Variants in SDK1 observed in about 807,000 individuals in gnomAD.
SDK1 encodes the protein protein sidekick-1.
SDK1 carries 157 observed loss-of-function variants against 245.5 expected under a neutral mutation model. That is an observed-to-expected ratio of 0.64 (90% CI 0.56 to 0.73). The LOEUF (loss-of-function observed/expected upper bound fraction) is 0.73, where lower values mean the gene tolerates loss of function less well. Among genes scored for constraint, SDK1 ranks in the 30% least tolerant of loss-of-function variants. SDK1 has a pLI of 0.00. For missense variants in SDK1, 3,583 were observed against 3,002.3 expected (o/e 1.19, Z -4.52); for synonymous variants, 1,647 against 1,278.5 (o/e 1.29, Z -6.15).
intron 35 of SDK1, among the ~76,000 whole-genome samples, chr7:4,186,716 C>T (rs941187870): frequency 1.4e-4 from 21 of 152,300 alleles, no homozygotes; most frequent in African/African-American, 4.8e-4. Context: ...CAGAAGCCCC[C>T]AGCCCACCTC....
intron 1 of SDK1, among the ~76,000 whole-genome samples, chr7:3,365,060 G>T (rs968271193): frequency 3.3e-5 from 5 of 152,184 alleles, no homozygotes; most frequent in African/African-American, 9.7e-5. Flanking sequence ...TTTGGTGTCA[G>T]TGTGTTCACT....
intron 5 of SDK1, among the ~76,000 whole-genome samples, chr7:3,830,207 C>T (rs1049535744): frequency 1.3e-5 from 2 of 152,092 alleles, no homozygotes; most frequent in African/African-American, 4.8e-5. Flanking sequence ...ATTCACCAAG[C>T]AGAACTGACC....
intron 22 of SDK1, among the ~76,000 whole-genome samples, chr7:4,095,096 C>T (rs997072601): frequency 6.6e-6 from 1 of 152,178 alleles, no homozygotes; most frequent in Non-Finnish European, 1.5e-5. Flanking sequence ...AGAGTTCCAT[C>T]CTCAGCTCCT....
At chr7:3,840,923 G>A (rs1001913848) in intron 5 of SDK1, among the ~76,000 whole-genome samples, 1 of 152,186 alleles carries the variant, frequency 6.6e-6, no homozygotes, top group Non-Finnish European at 1.5e-5. Context: ...GACCACCCTA[G>A]AGAGAATCCA....
chr7:4,186,385 G>A (rs1300370584), intron 35 of SDK1, among the ~76,000 whole-genome samples: 1 of 152,194 alleles, frequency 6.6e-6, no homozygotes, highest in Non-Finnish European at 1.5e-5. Flanking sequence ...GTGCACCTTT[G>A]TTATCCCCAG....
intron 20 of SDK1, among the ~76,000 whole-genome samples, chr7:4,075,618 G>A (rs1268054575): frequency 6.6e-6 from 1 of 151,404 alleles, no homozygotes; most frequent in Non-Finnish European, 1.5e-5. Flanking sequence ...CCTCCACGCG[G>A]GTTGATTGAT....
chr7:3,582,775 G>A (rs1780549902), intron 1 of SDK1, among the ~76,000 whole-genome samples: 1 of 148,710 alleles, frequency 6.7e-6, no homozygotes, highest in Non-Finnish European at 1.5e-5. Context: ...GCAAATAAAG[G>A]AAATAGAGTT....
chr7:3,844,152 G>C (rs929898144), intron 5 of SDK1, among the ~76,000 whole-genome samples: 2 of 152,030 alleles, frequency 1.3e-5, no homozygotes, highest in African/African-American at 4.8e-5. Context: ...TGTATTTTTA[G>C]TTGAGGTGGA....
At chr7:4,093,778 A>T (rs190781484) in intron 22 of SDK1, among the ~76,000 whole-genome samples, 360 of 152,282 alleles carry the variant, frequency 2.4e-3, no homozygotes, top group African/African-American at 8.3e-3. Flanking sequence ...GAGGGACCGG[A>T]TCCTGGGCTG....
At chr7:3,442,424 T>C (rs769808370) in intron 1 of SDK1, among the ~76,000 whole-genome samples, 4 of 152,204 alleles carry the variant, frequency 2.6e-5, no homozygotes, top group Non-Finnish European at 5.9e-5. Flanking sequence ...TCATTGCAAA[T>C]TAACCCTTTC....
intron 4 of SDK1, among the ~76,000 whole-genome samples, chr7:3,686,018 C>T (rs1364796047): frequency 6.6e-6 from 1 of 152,098 alleles, no homozygotes; most frequent in East Asian, 1.9e-4. Flanking sequence ...ACTTAAAGTG[C>T]AATGACATAA....
chr7:4,220,191 C>T lies in SDK1; in HGVS notation c.5622C>T (p.Thr1874=), dbSNP rs764637253. Residue 1874 remains threonine (T), a synonymous_variant, in exon 39 of 45, where the codon ACC becomes ACT. Transcript: ENST00000404826. Reference sequence around the variant, plus strand: ...TGCGGGACCTCACCAAGGGAGTGACCTATTTCTTCCGTGTCCAAGCGCGGA... The same window carrying T: ...TGCGGGACCTCACCAAGGGAGTGACTTATTTCTTCCGTGTCCAAGCGCGGA... ...LKVRDLTKGV[T]YFFRVQARTI... 2 of 1,613,954 alleles carry T rather than the reference C, an allele frequency of 1.2e-6. No homozygotes were observed. Among genetic ancestry groups the T allele is most frequent in the East Asian group, 4.5e-5 (2 of 44,864 alleles).
chr7:3,439,537 C>T (rs1309114575), intron 1 of SDK1, among the ~76,000 whole-genome samples: 1 of 152,302 alleles, frequency 6.6e-6, no homozygotes, highest in South Asian at 2.1e-4. Context: ...TTGCAACATA[C>T]TACTCATTCT....
chr7:4,007,994 G>A (rs569285607), intron 14 of SDK1, among the ~76,000 whole-genome samples: 5 of 152,192 alleles, frequency 3.3e-5, no homozygotes, highest in East Asian at 1.9e-4. Context: ...TTCTGCCACC[G>A]TCACCACCAT....
intron 31 of SDK1, among the ~76,000 whole-genome samples, chr7:4,160,817 C>T (rs182190346): frequency 1.2e-4 from 18 of 152,144 alleles, no homozygotes; most frequent in Admixed American, 2.6e-4. Context: ...TAAAACAGAA[C>T]GGGGAAGGTG....
At chr7:4,141,363 T>G (rs1047046924) in intron 28 of SDK1, among the ~76,000 whole-genome samples, 3 of 152,222 alleles carry the variant, frequency 2.0e-5, no homozygotes, top group Non-Finnish European at 4.4e-5. Context: ...GGAGTGCCTT[T>G]GAACAACATC....
intron 5 of SDK1, among the ~76,000 whole-genome samples, chr7:3,948,698 T>G (rs1296719704): frequency 2.0e-5 from 3 of 152,204 alleles, no homozygotes; most frequent in South Asian, 2.1e-4. Context: ...GAACTCAGCC[T>G]TGGGGCTCAT....
At chr7:4,140,474 G>A (rs73048337) in intron 28 of SDK1, among the ~76,000 whole-genome samples, 6,842 of 152,194 alleles carry the variant, frequency 0.045, 170 homozygotes, top group African/African-American at 0.065. Context: ...ACTCTGTGTC[G>A]GTCACCTTCA....
At chr7:3,572,652 C>G (rs958792209) in intron 1 of SDK1, among the ~76,000 whole-genome samples, 6 of 152,022 alleles carry the variant, frequency 3.9e-5, no homozygotes, top group African/African-American at 9.7e-5. Context: ...AGATAGGCAA[C>G]TATTCAGTCA....
Sources: gnomAD v4.1 joint callset for allele counts (sites outside exome capture counted in the v4.1 genomes callset) on GRCh38, gnomAD v4.1.1 for gene constraint, MANE v1.5 for transcripts, NCBI Gene and HGNC (gene_info 2026-07-23, HGNC 2026-07-21) for gene names.